CALN1: variants seen among roughly 807,000 people sequenced by gnomAD.
CALN1 encodes calneuron 1.
In CALN1, 17 loss-of-function variants were observed where a neutral mutation model predicts 30.6. The observed-to-expected ratio is 0.56, with a 90% confidence interval of 0.38 to 0.83. The LOEUF (loss-of-function observed/expected upper bound fraction) is 0.83, where lower values mean the gene tolerates loss of function less well. Among genes scored for constraint, CALN1 ranks in the 40% least tolerant of loss-of-function variants. CALN1 has a pLI of 0.00. For synonymous variants in CALN1, 156 were observed against 131.4 expected, an observed-to-expected ratio of 1.19 and a Z score of -1.28; for missense variants, 291 against 354.9, an observed-to-expected ratio of 0.82 and a Z score of 1.45.
chr7:72,283,600 G>GT (rs1241497301), intron 2 of CALN1, among the ~76,000 whole-genome samples: 2 of 152,230 alleles, frequency 1.3e-5, no homozygotes, highest in Non-Finnish European at 2.9e-5. Flanking sequence ...AGTAACACCA[G>GT]TAATTATTTG....
chr7:71,812,303 C>A (rs1168117525), intron 5 of CALN1, among the ~76,000 whole-genome samples: 5 of 152,128 alleles, frequency 3.3e-5, no homozygotes, highest in Non-Finnish European at 5.9e-5. Context: ...GAAATTGGTA[C>A]ATAAAACTAA....
At chr7:72,035,317 T>A (rs947884152) in intron 4 of CALN1, among the ~76,000 whole-genome samples, 1 of 152,136 alleles carries the variant, frequency 6.6e-6, no homozygotes, top group Non-Finnish European at 1.5e-5. Context: ...CCATTCTACT[T>A]TCTCTCGGAT....
chr7:71,878,634 C>G (rs776376610), intron 5 of CALN1, among the ~76,000 whole-genome samples: 1 of 152,094 alleles, frequency 6.6e-6, no homozygotes, highest in East Asian at 1.9e-4. Flanking sequence ...ACATGAACAC[C>G]ACAGGTGAGT....
At chr7:71,929,728 T>C (rs1311761949) in intron 5 of CALN1, among the ~76,000 whole-genome samples, 1 of 152,242 alleles carries the variant, frequency 6.6e-6, no homozygotes, top group African/African-American at 2.4e-5. Context: ...TTTTTGTGGA[T>C]GTATGTTTTT....
chr7:71,909,393 C>T (rs961555971), intron 5 of CALN1, among the ~76,000 whole-genome samples: 9 of 151,990 alleles, frequency 5.9e-5, no homozygotes, highest in African/African-American at 1.9e-4. Flanking sequence ...ACATATGTTT[C>T]TCATGCAAGC....
At chr7:72,074,046 C>A (rs1483902837) in intron 4 of CALN1, among the ~76,000 whole-genome samples, 1 of 152,050 alleles carries the variant, frequency 6.6e-6, no homozygotes, top group East Asian at 1.9e-4. Context: ...TGCAAGGAGT[C>A]GGATAAGAAC....
chr7:71,967,759 T>C (rs1293943694), intron 5 of CALN1, among the ~76,000 whole-genome samples: 1 of 151,804 alleles, frequency 6.6e-6, no homozygotes, highest in Admixed American at 6.6e-5. Flanking sequence ...GATTTGAGCA[T>C]ACATATTACT....
intron 5 of CALN1, among the ~76,000 whole-genome samples, chr7:71,833,264 G>A (rs77380051): frequency 0.012 from 1,761 of 152,280 alleles, 15 homozygotes; most frequent in Non-Finnish European, 0.016. Flanking sequence ...CTGTCCATGA[G>A]ACTGTGAATT....
intron 3 of CALN1, among the ~76,000 whole-genome samples, chr7:72,119,528 A>C (rs1269308280): frequency 6.7e-6 from 1 of 150,042 alleles, no homozygotes; most frequent in Non-Finnish European, 1.5e-5. Context: ...AAAAAAAAAA[A>C]CCAGAGCTAA....
At chr7:72,405,300 A>C (rs889320323) in intron 1 of CALN1, among the ~76,000 whole-genome samples, 2 of 152,178 alleles carry the variant, frequency 1.3e-5, no homozygotes, top group Non-Finnish European at 2.9e-5. Flanking sequence ...ACACACACAC[A>C]ACAGCACTGG....
Position 72,106,082 on chromosome 7 carries a change from A to G in CALN1, c.388+69T>C. On this transcript the variant is annotated intron_variant, in intron 4 of 6. Transcript: ENST00000395275. Reference sequence around the variant, plus strand: ...TGGATTTAAAAGTGCAAGGCCCTGCATAAACCGAAGGTCTCACTGATGAGA... The same window carrying G: ...TGGATTTAAAAGTGCAAGGCCCTGCGTAAACCGAAGGTCTCACTGATGAGA... 3.8e-6 allele frequency: 6 copies of G among 1,563,640 alleles called. No individual in the cohort carries two copies. The South Asian group carries it at 5.8e-5, about 15-fold the overall frequency.
intron 4 of CALN1, among the ~76,000 whole-genome samples, chr7:72,098,759 GGCGC>G (rs10551417): frequency 1.8e-3 from 118 of 64,546 alleles, no homozygotes; most frequent in South Asian, 0.012. Flanking sequence ...CAGCCCATTT[GGCGC>G]GCACACACAC....
At chr7:72,438,346 T>C (rs1808241113) in intron 1 of CALN1, among the ~76,000 whole-genome samples, 1 of 151,946 alleles carries the variant, frequency 6.6e-6, no homozygotes, top group Non-Finnish European at 1.5e-5. Flanking sequence ...GGCCTTGAAC[T>C]CCTAGGCTCA....
chr7:72,301,894 G>T (rs769657990), intron 2 of CALN1, among the ~76,000 whole-genome samples: 16 of 152,094 alleles, frequency 1.1e-4, no homozygotes, highest in Non-Finnish European at 2.2e-4. Context: ...ACCAAACAAG[G>T]ATTGCCAGAC....
intron 2 of CALN1, among the ~76,000 whole-genome samples, chr7:72,340,878 T>G (rs745915296): frequency 1.2e-4 from 18 of 152,240 alleles, no homozygotes; most frequent in East Asian, 3.9e-4. Flanking sequence ...CACTTGGCTC[T>G]CTCTCTCTCA....
intron 2 of CALN1, among the ~76,000 whole-genome samples, chr7:72,328,141 G>A (rs940142046): frequency 1.3e-5 from 2 of 151,496 alleles, no homozygotes; most frequent in African/African-American, 4.9e-5. Context: ...TACTTTCATC[G>A]CTAAAAAATG....
chr7:72,185,119 G>A (rs981494257), intron 3 of CALN1, among the ~76,000 whole-genome samples: 2 of 151,986 alleles, frequency 1.3e-5, no homozygotes, highest in Non-Finnish European at 2.9e-5. Context: ...CATCTCTGTT[G>A]AATTAGTGTG....
chr7:72,188,300 T>C (rs1790350050), intron 3 of CALN1, among the ~76,000 whole-genome samples: 1 of 152,180 alleles, frequency 6.6e-6, no homozygotes, highest in Non-Finnish European at 1.5e-5. Context: ...TATGTACATG[T>C]ATATATATCT....
rs544697622 is a variant in CALN1, at chr7:71,780,809, T to C, written c.*6966A>G. ...AAGCATCTCTTCTTGGAATCTGCCA[T>C]TGTTTCCTCCAACTTTCTCCTGAAT... On this transcript the variant is annotated 3_prime_UTR_variant, in exon 7 of 7. Coordinates refer to ENST00000395275, the MANE Select transcript of CALN1 (RefSeq NM_031468.4). 5 of 152,318 alleles carry C rather than the reference T, an allele frequency of 3.3e-5. No homozygotes were observed. Among genetic ancestry groups the C allele is most frequent in the Admixed American group, 2.0e-4 (3 of 15,302 alleles). 9.4% of individuals were successfully genotyped at this position (152,318 alleles called of 1,614,324 possible).
Sources: gnomAD v4.1 joint callset for allele counts (sites outside exome capture counted in the v4.1 genomes callset) on GRCh38, gnomAD v4.1.1 for gene constraint, MANE v1.5 for transcripts, NCBI Gene and HGNC (gene_info 2026-07-23, HGNC 2026-07-21) for gene names.